GALNT1: variants seen among roughly 807,000 people sequenced by gnomAD.
GALNT1 encodes polypeptide N-acetylgalactosaminyltransferase 1.
A neutral mutation model predicts 65.7 loss-of-function variants in GALNT1; 17 were observed. The ratio of observed to expected loss-of-function variants is 0.26; its 90% confidence interval spans 0.18 to 0.39. The LOEUF (loss-of-function observed/expected upper bound fraction) is 0.39. Ranked by LOEUF, GALNT1 falls within the 10% of genes least tolerant of loss-of-function variation. GALNT1 has a pLI of 1.00. For synonymous variants in GALNT1, 210 were observed against 219.7 expected (o/e 0.96, Z 0.39); for missense variants, 460 against 672.8 (o/e 0.68, Z 3.50).
chr18:35,600,160 A>G (rs2046563369), intron 1 of GALNT1, among the ~76,000 whole-genome samples: 6 of 152,060 alleles, frequency 3.9e-5, no homozygotes, highest in Admixed American at 3.9e-4. Context: ...AGCATGGAAT[A>G]TTTTCCCATT....
At chr18:35,689,752 C>T (rs2144648958) in intron 7 of GALNT1, among the ~76,000 whole-genome samples, 1 of 152,258 alleles carries the variant, frequency 6.6e-6, no homozygotes, top group East Asian at 1.9e-4. Flanking sequence ...CGAAAGAATT[C>T]TAAAATGACT....
chr18:35,619,620 C>T (rs1039036099), intron 1 of GALNT1, among the ~76,000 whole-genome samples: 3 of 152,160 alleles, frequency 2.0e-5, no homozygotes, highest in Non-Finnish European at 4.4e-5. Context: ...TAGTCCAGCG[C>T]CAAGAGACTG....
chr18:35,672,311 T>C (rs1020408609), intron 3 of GALNT1, among the ~76,000 whole-genome samples: 1 of 152,230 alleles, frequency 6.6e-6, no homozygotes, highest in African/African-American at 2.4e-5. Context: ...TTTTTCTTTA[T>C]TTTTCTACTC....
chr18:35,637,316 C>T (rs2047104305), intron 1 of GALNT1, among the ~76,000 whole-genome samples: 1 of 152,216 alleles, frequency 6.6e-6, no homozygotes. Context: ...AGCTGGGCTT[C>T]TTGCGCCATA....
At chr18:35,694,597 TGA>T (rs1348040096) in intron 9 of GALNT1, among the ~76,000 whole-genome samples, 1 of 152,208 alleles carries the variant, frequency 6.6e-6, no homozygotes, top group Non-Finnish European at 1.5e-5. Context: ...CCAAAGGAAA[TGA>T]ACGCAGGGTC....
intron 3 of GALNT1, 72 bp from the exon 4 acceptor site, chr18:35,677,519 C>A: frequency 8.0e-7 from 1 of 1,243,248 alleles, no homozygotes; most frequent in South Asian, 1.7e-5. Context: ...TTCTATCACC[C>A]TTCTAGTCCA....
Position 35,667,708 on chromosome 18 carries a change from G to A in GALNT1, c.314+3906G>A, listed in dbSNP as rs12607943. ...ATTATTTGAAGAATCCAGGTAGAAT[G>A]CCTTACATCTTTTCTCAGCCTACAT... On this transcript the variant is annotated intron_variant, in intron 3 of 11. Transcript: ENST00000269195. Among the ~76,000 whole-genome samples the A allele has an allele frequency of 4.4e-3, 672 of 152,154 alleles. 16 individuals carry two copies. In the East Asian group the frequency reaches 0.074, roughly 17 times the overall value.
chr18:35,612,200 A>G (rs1002543498), intron 1 of GALNT1, among the ~76,000 whole-genome samples: 4 of 152,212 alleles, frequency 2.6e-5, no homozygotes, highest in African/African-American at 9.6e-5. Flanking sequence ...TATTTTTAAG[A>G]TGTGATTTAA....
chr18:35,663,909 CTA>C, intron 3 of GALNT1, 107 bp downstream of exon 3: 1 of 955,384 alleles, frequency 1.0e-6, no homozygotes, highest in Non-Finnish European at 1.6e-6. Context: ...TGTTATATCA[CTA>C]TGTTACTACT....
intron 3 of GALNT1, among the ~76,000 whole-genome samples, chr18:35,670,489 A>C (rs2047619031): frequency 6.6e-6 from 1 of 152,204 alleles, no homozygotes; most frequent in Non-Finnish European, 1.5e-5. Context: ...TAAAGCAAAG[A>C]AAAATTAAAT....
At chr18:35,706,398 A>T (rs1412204242) in intron 11 of GALNT1, among the ~76,000 whole-genome samples, 1 of 152,118 alleles carries the variant, frequency 6.6e-6, no homozygotes, top group Non-Finnish European at 1.5e-5. Flanking sequence ...GATACTCAGG[A>T]GGCTGAGGCA....
chr18:35,684,016 C>T (rs1327236434), intron 5 of GALNT1, among the ~76,000 whole-genome samples: 3 of 152,156 alleles, frequency 2.0e-5, no homozygotes, highest in African/African-American at 4.8e-5. Context: ...CACATTGTGT[C>T]CTGAAATGCT....
chr18:35,583,077 A>G (rs1250832956), intron 1 of GALNT1, among the ~76,000 whole-genome samples: 1 of 152,158 alleles, frequency 6.6e-6, no homozygotes, highest in African/African-American at 2.4e-5. Flanking sequence ...GCACAGTTTT[A>G]AGTTCTGGGT....
chr18:35,584,484 AG>A (rs567191939), intron 1 of GALNT1, among the ~76,000 whole-genome samples: 14 of 152,300 alleles, frequency 9.2e-5, no homozygotes, highest in Middle Eastern at 3.4e-3. Context: ...ACCAAGGCAA[AG>A]GGAGTGACAG....
intron 3 of GALNT1, among the ~76,000 whole-genome samples, chr18:35,665,020 C>G (rs1345928957): frequency 6.6e-6 from 1 of 152,204 alleles, no homozygotes; most frequent in East Asian, 1.9e-4. Flanking sequence ...AATGGCACAG[C>G]CTGATCACCC....
At chr18:35,586,879 G>A (rs1196348937) in intron 1 of GALNT1, among the ~76,000 whole-genome samples, 2 of 152,066 alleles carry the variant, frequency 1.3e-5, no homozygotes, top group African/African-American at 4.8e-5. Context: ...GTCTTTCTGG[G>A]CTTTTGATAC....
At chr18:35,679,409 G>T (rs932000271) in intron 4 of GALNT1, among the ~76,000 whole-genome samples, 1 of 152,102 alleles carries the variant, frequency 6.6e-6, no homozygotes, top group African/African-American at 2.4e-5. Flanking sequence ...GTAGAATATG[G>T]CCTAATTTAA....
At chr18:35,685,296 A>AT (rs2047850991) in intron 5 of GALNT1, among the ~76,000 whole-genome samples, 1 of 152,206 alleles carries the variant, frequency 6.6e-6, no homozygotes, top group Non-Finnish European at 1.5e-5. Context: ...AATATTACAA[A>AT]AACTAATTCG....
intron 1 of GALNT1, among the ~76,000 whole-genome samples, chr18:35,645,014 A>G (rs1336592022): frequency 6.7e-6 from 1 of 148,652 alleles, no homozygotes; most frequent in African/African-American, 2.6e-5. Flanking sequence ...AAGTAAATGA[A>G]TAAATAAATA....
Sources: gnomAD v4.1 joint callset for allele counts (sites outside exome capture counted in the v4.1 genomes callset) on GRCh38, gnomAD v4.1.1 for gene constraint, MANE v1.5 for transcripts, NCBI Gene and HGNC (gene_info 2026-07-23, HGNC 2026-07-21) for gene names.